The following PCDH7 variants were observed in gnomAD, a reference collection of about 807,000 sequenced individuals.
PCDH7 encodes protocadherin 7, also known as protocadherin-7.
In PCDH7, 17 loss-of-function variants were observed where a neutral mutation model predicts 58.9. The observed-to-expected ratio is 0.29, with a 90% confidence interval of 0.20 to 0.43. The LOEUF (loss-of-function observed/expected upper bound fraction) is 0.43, where lower values mean the gene tolerates loss of function less well. Among genes scored for constraint, PCDH7 ranks in the 20% least tolerant of loss-of-function variants. The probability of loss-of-function intolerance (pLI) is 1.00; values close to 1 mark genes in which losing one functional copy is unlikely to be tolerated. For missense variants in PCDH7, 1,274 were observed against 1,441.0 expected (o/e 0.88, Z 1.88); for synonymous variants, 664 against 616.4 (o/e 1.08, Z -1.14).
At chr4:30,735,721 G>A (rs1716156451), downstream of PCDH7, among the ~76,000 whole-genome samples, 1 of 152,284 alleles carries the variant, frequency 6.6e-6, no homozygotes, top group Middle Eastern at 3.4e-3. Flanking sequence ...CTAGCGAGGA[G>A]TTGGGGAGGT....
intron 1 of PCDH7, among the ~76,000 whole-genome samples, chr4:30,818,576 T>C (rs983869466): frequency 6.6e-6 from 1 of 152,174 alleles, no homozygotes; most frequent in Non-Finnish European, 1.5e-5. Flanking sequence ...TATGTATATG[T>C]AACCATACAA....
chr4:31,145,964 T>C (rs1215771142), downstream of PCDH7: 1 of 152,138 alleles, frequency 6.6e-6, no homozygotes, highest in African/African-American at 2.4e-5. Context: ...GCATGCATTA[T>C]ACATTAGGAC....
chr4:31,074,765 A>G (rs1239558819), intron 3 of PCDH7, among the ~76,000 whole-genome samples: 1 of 133,786 alleles, frequency 7.5e-6, no homozygotes, highest in Non-Finnish European at 1.5e-5. Flanking sequence ...AGCCTGGGCT[A>G]CAGAGGGAGA....
intron 3 of PCDH7, among the ~76,000 whole-genome samples, chr4:30,968,287 ACT>A (rs199837200): frequency 0.17 from 19,057 of 112,602 alleles, 1,982 homozygotes; most frequent in Non-Finnish European, 0.18. Flanking sequence ...GAAAAAAATT[ACT>A]CTCTCTCTCT....
At chr4:31,136,146 C>CT (rs1169773163) in intron 3 of PCDH7, among the ~76,000 whole-genome samples, 1 of 152,172 alleles carries the variant, frequency 6.6e-6, no homozygotes, top group Non-Finnish European at 1.5e-5. Context: ...AAACAATATC[C>CT]TTTTTATTCC....
chr4:31,097,632 ATATAT>A (rs1714298647), intron 3 of PCDH7, among the ~76,000 whole-genome samples: 5 of 42,056 alleles, frequency 1.2e-4, no homozygotes, highest in Non-Finnish European at 1.8e-4. Context: ...ATATATATAT[ATATAT>A]AAATCTTTTT....
chr4:30,752,089 C>T (rs536539763), intron 1 of PCDH7, among the ~76,000 whole-genome samples: 5 of 152,190 alleles, frequency 3.3e-5, no homozygotes, highest in African/African-American at 7.2e-5. Context: ...CACTCTTCCA[C>T]GCTTCTTTAC....
intron 1 of PCDH7, among the ~76,000 whole-genome samples, chr4:30,805,742 T>G (rs1013479666): frequency 1.1e-4 from 16 of 152,168 alleles, no homozygotes; most frequent in African/African-American, 3.6e-4. Context: ...TTACGTTATT[T>G]TTACTTCAAA....
At chr4:30,748,795 C>A (rs1352524379) in intron 1 of PCDH7, among the ~76,000 whole-genome samples, 1 of 152,094 alleles carries the variant, frequency 6.6e-6, no homozygotes, top group Non-Finnish European at 1.5e-5. Context: ...TAATGATGCA[C>A]CCGTCTTGGG....
intron 1 of PCDH7, among the ~76,000 whole-genome samples, chr4:30,849,727 G>C (rs545422958): frequency 6.6e-6 from 1 of 151,946 alleles, no homozygotes; most frequent in Admixed American, 6.6e-5. Flanking sequence ...TAAGACCCTC[G>C]CATTGTCCTC....
chr4:30,904,114 C>T (rs765300127), intron 1 of PCDH7, among the ~76,000 whole-genome samples: 14 of 152,310 alleles, frequency 9.2e-5, no homozygotes, highest in Middle Eastern at 6.8e-3. Flanking sequence ...AACTCTGTCA[C>T]TTCCATCTAC....
At chr4:30,728,242 CATTT>C (rs1478005769) in intron 1 of PCDH7, among the ~76,000 whole-genome samples, 1 of 139,972 alleles carries the variant, frequency 7.1e-6, no homozygotes, top group African/African-American at 2.6e-5. Flanking sequence ...AATGTCAATT[CATTT>C]GTGTGTGTGT....
Position 31,125,799 on chromosome 4 carries a change from A to G in PCDH7, c.*8-16674A>G, listed in dbSNP as rs190330676. On this transcript the variant is annotated intron_variant, in intron 3 of 3. Transcript: ENST00000509759. ...CCTTCAGCCTAGGCTTGGCTAAGCTATGATATTCAGTAGGTTAGTAGTATT... is the reference window on the plus strand; with the variant it reads ...CCTTCAGCCTAGGCTTGGCTAAGCTGTGATATTCAGTAGGTTAGTAGTATT... Among the ~76,000 whole-genome samples the G allele has an allele frequency of 6.6e-5, 10 of 152,352 alleles. No individual in the cohort carries two copies. The East Asian group carries it at 1.5e-3, about 24-fold the overall frequency.
chr4:30,936,649 G>A (rs35235147), intron 2 of PCDH7, among the ~76,000 whole-genome samples: 7,332 of 149,714 alleles, frequency 0.049, 383 homozygotes, highest in East Asian at 0.26. Flanking sequence ...TTTGTTTTTT[G>A]CATAAAGCAA....
intron 3 of PCDH7, among the ~76,000 whole-genome samples, chr4:31,091,335 A>G (rs1713219904): frequency 6.6e-6 from 1 of 152,012 alleles, no homozygotes; most frequent in African/African-American, 2.4e-5. Flanking sequence ...TAAAATAGCT[A>G]CATGACATAT....
chr4:30,783,147 A>T (rs568114969), intron 1 of PCDH7: 1 of 152,208 alleles, frequency 6.6e-6, no homozygotes, highest in South Asian at 2.1e-4. Flanking sequence ...TCCCATGTTC[A>T]CTCTATGTCC....
intron 1 of PCDH7, among the ~76,000 whole-genome samples, chr4:30,844,246 A>G (rs1272195540): frequency 5.3e-5 from 8 of 152,212 alleles, no homozygotes; most frequent in African/African-American, 1.9e-4. Context: ...ATCCCAAACT[A>G]AGAGTTTTCC....
At chr4:30,907,465 G>A (rs1264199144) in intron 1 of PCDH7, among the ~76,000 whole-genome samples, 2 of 152,116 alleles carry the variant, frequency 1.3e-5, no homozygotes, top group African/African-American at 4.8e-5. Context: ...CTTCTCAAAA[G>A]AAGACATTTA....
At chr4:30,862,233 C>T (rs1010197174) in intron 1 of PCDH7, among the ~76,000 whole-genome samples, 4 of 152,100 alleles carry the variant, frequency 2.6e-5, no homozygotes, top group Non-Finnish European at 5.9e-5. Context: ...GAAAAATTCA[C>T]AGTGGTGATG....
Sources: gnomAD v4.1 joint callset for allele counts (sites outside exome capture counted in the v4.1 genomes callset) on GRCh38, gnomAD v4.1.1 for gene constraint, MANE v1.5 for transcripts, NCBI Gene and HGNC (gene_info 2026-07-23, HGNC 2026-07-21) for gene names.